The following ZNF729 variants were observed in gnomAD, a reference collection of about 807,000 sequenced individuals.
The protein encoded by ZNF729 is zinc finger protein 729.
A neutral mutation model predicts 12.2 loss-of-function variants in ZNF729; 15 were observed. That is an observed-to-expected ratio of 1.23 (90% CI 0.82 to 1.89). ZNF729 has a LOEUF of 1.89. Ranked by LOEUF, ZNF729 falls within the 40% of genes most tolerant of loss-of-function variation. The pLI is 0.00. For synonymous variants in ZNF729, 492 were observed against 476.3 expected, an observed-to-expected ratio of 1.03 and a Z score of -0.43; for missense variants, 1,540 against 1,456.7, an observed-to-expected ratio of 1.06 and a Z score of -0.93.
At chr19:22,290,952 T>G (rs1327420879) in intron 1 of ZNF729, among the ~76,000 whole-genome samples, 6 of 152,098 alleles carry the variant, frequency 3.9e-5, no homozygotes, top group Admixed American at 2.0e-4. Context: ...TTATTGAACT[T>G]GAAGAAGGTT....
chr19:22,301,809 T>C (rs1245346077), intron 1 of ZNF729, among the ~76,000 whole-genome samples: 1 of 152,268 alleles, frequency 6.6e-6, no homozygotes, highest in African/African-American at 2.4e-5. Flanking sequence ...CAACTATACC[T>C]ACCTGTAAAA....
Position 22,290,637 on chromosome 19 carries a change from ACTGAGGGTAG to A in ZNF729, c.30+4085_30+4094del, listed in dbSNP as rs1968140512. On this transcript the variant is annotated intron_variant, in intron 1 of 3. Coordinates refer to ENST00000601693, the MANE Select transcript of ZNF729 (RefSeq NM_001242680.2). ...AAAATGGGGTTGTATGTTGACTCAG[ACTGAGGGTAG>A]CTTAAAGTTCAGAAAGCTGTTGAAA... Among the ~76,000 whole-genome samples the A allele has an allele frequency of 3.3e-5, 5 of 152,316 alleles. 1 individual carries two copies. The South Asian group carries it at 8.3e-4, about 25-fold the overall frequency.
At chr19:22,310,367 T>C (rs1166743682) in intron 3 of ZNF729, among the ~76,000 whole-genome samples, 1 of 152,178 alleles carries the variant, frequency 6.6e-6, no homozygotes, top group Non-Finnish European at 1.5e-5. Context: ...TACATTGATG[T>C]ATGTCCCTTG....
intron 1 of ZNF729, among the ~76,000 whole-genome samples, chr19:22,293,494 A>ATTTCTTTTTTTTTTTT (rs1968182745): frequency 1.0e-5 from 1 of 96,066 alleles, no homozygotes; most frequent in African/African-American, 4.2e-5. Flanking sequence ...CCTTTTGTCT[A>ATTTCTTTTTTTTTTTT]TTTTTTTTTT....
intron 1 of ZNF729, among the ~76,000 whole-genome samples, chr19:22,294,651 C>CTTTTTCTTTTTTTTTTTTTTTT (rs1968201247): frequency 9.1e-6 from 1 of 109,390 alleles, no homozygotes; most frequent in African/African-American, 3.4e-5. Context: ...TTTTTTTTTT[C>CTTTTTCTTTTTTTTTTTTTTTT]TTTTTCTTTT....
At chr19:22,289,831 A>G (rs1361766860) in intron 1 of ZNF729, among the ~76,000 whole-genome samples, 1 of 152,170 alleles carries the variant, frequency 6.6e-6, no homozygotes, top group South Asian at 2.1e-4. Context: ...GTTTCATGCT[A>G]AATTTTATGA....
intron 1 of ZNF729, chr19:22,299,216 T>C (rs1244838494): frequency 2.6e-5 from 4 of 152,212 alleles, no homozygotes; most frequent in African/African-American, 9.6e-5. Flanking sequence ...ATCTTATATC[T>C]AAATTGAGTT....
rs1411046874 is a variant in ZNF729, at chr19:22,286,451, G to A, written c.-75G>A. The A allele has an allele frequency of 4.4e-6, 7 of 1,587,300 alleles. No homozygotes were observed. The highest frequency in any genetic ancestry group is 1.4e-5 in the African/African-American group (1 of 73,754). ...TTTCTGGTTGCAGCCGCAGTTCCCG[G>A]TCTCGCCTTCACTGCTGTGTGTCCT... On this transcript the variant is annotated 5_prime_UTR_variant, in exon 1 of 4. Coordinates refer to ENST00000601693, the MANE Select transcript of ZNF729 (RefSeq NM_001242680.2).
chr19:22,294,767 C>T (rs1214858847), intron 1 of ZNF729, among the ~76,000 whole-genome samples: 1 of 151,244 alleles, frequency 6.6e-6, no homozygotes, highest in Non-Finnish European at 1.5e-5. Context: ...AGCTATTCTC[C>T]TGCCTCAGCC....
chr19:22,291,446 C>T (rs368505022), intron 1 of ZNF729, among the ~76,000 whole-genome samples: 266 of 148,432 alleles, frequency 1.8e-3, no homozygotes, highest in Non-Finnish European at 3.1e-3. Flanking sequence ...AGGTACCACC[C>T]CCAGCAATTT....
Position 22,304,784 on chromosome 19 carries a change from G to A in ZNF729, c.253+1G>A. The stretch of plus-strand genomic sequence containing the variant: ...CATGAGATGGTAACTAAACCCCCAG[G>A]TATGTGAGAGTGAATACAACAGACA... On this transcript the variant is annotated splice_donor_variant, in intron 3 of 3. Coordinates refer to ENST00000601693, the MANE Select transcript of ZNF729 (RefSeq NM_001242680.2). LOFTEE classifies it high-confidence loss of function. 10 of 1,612,018 alleles carry A rather than the reference G, an allele frequency of 6.2e-6. No homozygotes were observed. The highest frequency in any genetic ancestry group is 8.5e-6 in the Non-Finnish European group (10 of 1,179,088).
chr19:22,303,495 G>T (rs1049365035), intron 1 of ZNF729, among the ~76,000 whole-genome samples: 2 of 152,278 alleles, frequency 1.3e-5, no homozygotes, highest in Middle Eastern at 3.4e-3. Context: ...TTGTTATCAT[G>T]CCATTAGTTT....
chr19:22,303,559 T>A (rs750914862), intron 1 of ZNF729, among the ~76,000 whole-genome samples, 199 bp from the exon 2 acceptor site: 35 of 152,262 alleles, frequency 2.3e-4, no homozygotes, highest in Admixed American at 2.0e-3. Context: ...GCGGATCTTA[T>A]GCCATTCTTT....
chr19:22,286,479 G>T lies in ZNF729; in HGVS notation c.-47G>T, dbSNP rs1221648190. On this transcript the variant is annotated 5_prime_UTR_variant, in exon 1 of 4. Transcript: ENST00000601693. The stretch of plus-strand genomic sequence containing the variant: ...TCGCCTTCACTGCTGTGTGTCCTCA[G>T]CCTCTGTGGCCCTGTAACCTGCGGC... The T allele has an allele frequency of 3.1e-6, 5 of 1,611,564 alleles. No individual in the cohort carries two copies. The highest frequency in any genetic ancestry group is 4.2e-6 in the Non-Finnish European group (5 of 1,179,680).
chr19:22,300,170 A>T (rs1465796561), intron 1 of ZNF729, among the ~76,000 whole-genome samples: 1 of 152,208 alleles, frequency 6.6e-6, no homozygotes, highest in African/African-American at 2.4e-5. Context: ...TGAAGATGTG[A>T]AAAGTTTATT....
At chr19:22,289,346 C>T (rs946357889) in intron 1 of ZNF729, among the ~76,000 whole-genome samples, 2 of 151,774 alleles carry the variant, frequency 1.3e-5, no homozygotes, top group African/African-American at 4.8e-5. Flanking sequence ...CTGCCTCAGC[C>T]TCCTGACTAG....
chr19:22,309,338 G>A (rs551302866), intron 3 of ZNF729, among the ~76,000 whole-genome samples: 3 of 152,052 alleles, frequency 2.0e-5, no homozygotes, highest in East Asian at 3.9e-4. Flanking sequence ...CCAGCTACTC[G>A]GGAGGCTGAG....
intron 1 of ZNF729, among the ~76,000 whole-genome samples, chr19:22,291,301 TGA>T (rs942209284): frequency 2.0e-5 from 3 of 151,880 alleles, no homozygotes; most frequent in Non-Finnish European, 4.4e-5. Context: ...CCTCCCGGGG[TGA>T]GAGAGGATAA....
intron 2 of ZNF729, 116 bp downstream of exon 2, chr19:22,304,000 T>A: frequency 8.8e-7 from 1 of 1,133,798 alleles, no homozygotes; most frequent in South Asian, 1.6e-5. Flanking sequence ...ACATCCCTGT[T>A]TTCTGGAAAC....
Sources: gnomAD v4.1 joint callset for allele counts (sites outside exome capture counted in the v4.1 genomes callset) on GRCh38, gnomAD v4.1.1 for gene constraint, MANE v1.5 for transcripts, NCBI Gene and HGNC (gene_info 2026-07-23, HGNC 2026-07-21) for gene names.